Variants in TMEM11 observed in about 807,000 individuals in gnomAD.
TMEM11 encodes the protein transmembrane protein 11.
In TMEM11, 1 loss-of-function variant was observed where a neutral mutation model predicts 17.0. That is an observed-to-expected ratio of 0.06 (90% CI 0.02 to 0.28). The LOEUF (loss-of-function observed/expected upper bound fraction) is 0.28. Among genes scored for constraint, TMEM11 ranks in the 10% least tolerant of loss-of-function variants. The probability of loss-of-function intolerance (pLI) is 1.00; values close to 1 mark genes in which losing one functional copy is unlikely to be tolerated. For missense variants in TMEM11, 172 were observed against 252.9 expected (o/e 0.68, Z 2.17); for synonymous variants, 122 against 118.1 (o/e 1.03, Z -0.21).
chr17:21,210,732 T>C (rs1974993935), intron 1 of TMEM11, among the ~76,000 whole-genome samples: 1 of 152,188 alleles, frequency 6.6e-6, no homozygotes, highest in Non-Finnish European at 1.5e-5. Flanking sequence ...ACTGGCTGCC[T>C]ATAAAACGCT....
rs7212548 is a variant in TMEM11 at position 21,198,290 on chromosome 17, G to A, written c.*34C>T. Reference sequence around the variant, plus strand: ...AATACTCTGTTGTCTCTTGTGGGCCGGGTGGTTTTGCTTCGCTCCCTGTTC... The same window carrying A: ...AATACTCTGTTGTCTCTTGTGGGCCAGGTGGTTTTGCTTCGCTCCCTGTTC... On this transcript the variant is annotated 3_prime_UTR_variant, in exon 2 of 2. Coordinates refer to ENST00000317635, the MANE Select transcript of TMEM11 (RefSeq NM_003876.3). This position sits in a 1 kb window ranked among gnomAD's most constrained non-coding sequence, Gnocchi z 6.5. The A allele has an allele frequency of 1.9e-3, 2,959 of 1,585,024 alleles. 48 individuals are homozygous for A. In the African/African-American group the frequency reaches 0.032, roughly 17 times the overall value.
At chr17:21,211,649 G>A (rs959018433) in intron 1 of TMEM11, among the ~76,000 whole-genome samples, 2 of 152,196 alleles carry the variant, frequency 1.3e-5, no homozygotes, top group African/African-American at 4.8e-5. Context: ...TCTGGCACTG[G>A]GTGGGACCTT....
chr17:21,201,744 C>A (rs1410454843), intron 1 of TMEM11, among the ~76,000 whole-genome samples: 1 of 152,132 alleles, frequency 6.6e-6, no homozygotes, highest in Non-Finnish European at 1.5e-5. Context: ...ACCTCTGCCT[C>A]CCGAGTAGCT....
Position 21,214,083 on chromosome 17 carries a change from G to A in TMEM11, c.62+8C>T, listed in dbSNP as rs377076892. The A allele has an allele frequency of 2.7e-4, 438 of 1,609,126 alleles. 1 individual carries two copies. In the African/African-American group the frequency reaches 3.4e-3, roughly 13 times the overall value. On this transcript the variant is annotated splice_region_variant and intron_variant, in intron 1 of 1. Coordinates refer to ENST00000317635, the MANE Select transcript of TMEM11 (RefSeq NM_003876.3). ...CTGCACTGGGGGCAACAAGCCCTTG[G>A]ATCTCACCTCTCTCGGGCGCTGCCG...
intron 1 of TMEM11, among the ~76,000 whole-genome samples, chr17:21,202,517 C>T (rs1230326760): frequency 3.3e-5 from 5 of 152,164 alleles, no homozygotes; most frequent in African/African-American, 2.4e-5. Flanking sequence ...GTCCTGGAAC[C>T]GACTGCCCCA....
At chr17:21,200,397 T>C (rs989931851) in intron 1 of TMEM11, among the ~76,000 whole-genome samples, 2 of 152,220 alleles carry the variant, frequency 1.3e-5, no homozygotes, top group East Asian at 3.8e-4. Flanking sequence ...CTGCAAGAAG[T>C]CTTTATCTGG....
chr17:21,213,835 GC>G, intron 1 of TMEM11: 1 of 515,314 alleles, frequency 1.9e-6, no homozygotes, highest in Non-Finnish European at 3.4e-6. Context: ...CCGGCCTCGG[GC>G]CCCGCCCCGC....
intron 1 of TMEM11, among the ~76,000 whole-genome samples, chr17:21,206,161 C>A (rs1731859977): frequency 6.6e-6 from 1 of 152,086 alleles, no homozygotes; most frequent in South Asian, 2.1e-4. Context: ...CACCATTGTA[C>A]ATTCCCACCA....
intron 1 of TMEM11, among the ~76,000 whole-genome samples, chr17:21,199,328 G>GA (rs58031189): frequency 0.017 from 1,358 of 78,270 alleles, 80 homozygotes; most frequent in African/African-American, 0.059. Flanking sequence ...CTCAGTCTCA[G>GA]AAAAAAAAAA....
intron 1 of TMEM11, among the ~76,000 whole-genome samples, chr17:21,210,514 A>G (rs528028502): frequency 6.6e-6 from 1 of 152,270 alleles, no homozygotes; most frequent in South Asian, 2.1e-4. Flanking sequence ...CCAAAGCCTG[A>G]GAGTCTAAAA....
intron 1 of TMEM11, among the ~76,000 whole-genome samples, chr17:21,201,889 C>A (rs1974886624): frequency 6.6e-6 from 1 of 152,220 alleles, no homozygotes; most frequent in Admixed American, 6.5e-5. Context: ...GCCTTGGCCT[C>A]CCAAAGTCCT....
chr17:21,201,834 G>A (rs1286890237), intron 1 of TMEM11, among the ~76,000 whole-genome samples: 1 of 152,226 alleles, frequency 6.6e-6, no homozygotes, highest in Non-Finnish European at 1.5e-5. Context: ...GTTATGCCAT[G>A]TTGCCCAGGC....
In TMEM11 at chr17:21,214,128, G is replaced by A. The variant is rs1299701089; in HGVS notation, c.25C>T (p.Leu9Phe). 1 of 1,612,310 alleles carries A rather than the reference G, an allele frequency of 6.2e-7. No homozygotes were observed. The highest frequency in any genetic ancestry group is 1.1e-5 in the South Asian group (1 of 90,938). ...CTGCCGCCACTGCTGCCCGGGCCAA[G>A]ACGCCTCCTTCCCCAAGCGGCCATC... MAAWGRRR[L>F]GPGSSGGSAR... Residue 9 changes from leucine to phenylalanine, a missense_variant, in exon 1 of 2, where the codon CTT becomes TTT. By Grantham distance (22) the Leu-to-Phe change is conservative. Around this residue, in one of 2 missense-constraint regions of TMEM11, gnomAD observed 49 missense variants for 39.3 expected, o/e 1.25. Transcript: ENST00000317635.
intron 1 of TMEM11, chr17:21,213,800 G>A: frequency 4.5e-6 from 2 of 443,570 alleles, no homozygotes; most frequent in South Asian, 2.9e-5. Flanking sequence ...GGCCTGCGCT[G>A]GGCGCCAGTT....
intron 1 of TMEM11, among the ~76,000 whole-genome samples, chr17:21,202,234 G>A (rs1974889921): frequency 1.3e-5 from 2 of 152,198 alleles, no homozygotes; most frequent in South Asian, 4.1e-4. Flanking sequence ...CCAATCTTGA[G>A]ACGGAAATGG....
chr17:21,198,824 T>A lies in TMEM11; in HGVS notation c.79A>T (p.Thr27Ser), dbSNP rs776674803. 5 of 1,609,664 alleles carry A rather than the reference T, an allele frequency of 3.1e-6. No individual in the cohort carries two copies. The South Asian group carries it at 5.5e-5, about 18-fold the overall frequency. Reference protein sequence around the residue: ...SARERVSLSATDCYIVHEIYN... With the variant: ...SARERVSLSASDCYIVHEIYN... ...ATCTCATGCACAATGTAGCAGTCTG[T>A]GGCCGACAAGCTCACCCTTTTGATG... The change falls in exon 2 of 2, where the codon ACA becomes TCA. Residue 27 changes from threonine (T) to serine (S), a missense_variant. Transcript: ENST00000317635. This position sits in a 1 kb window ranked among gnomAD's most constrained non-coding sequence, Gnocchi z 6.5.
At chr17:21,210,625 G>A (rs554172008) in intron 1 of TMEM11, among the ~76,000 whole-genome samples, 4 of 152,296 alleles carry the variant, frequency 2.6e-5, no homozygotes, top group Admixed American at 1.3e-4. Context: ...AACGTGTAAG[G>A]GCCACCTGGG....
chr17:21,206,895 T>G (rs1319578950), intron 1 of TMEM11, among the ~76,000 whole-genome samples: 1 of 152,074 alleles, frequency 6.6e-6, no homozygotes, highest in Non-Finnish European at 1.5e-5. Context: ...ACAGAGCAAC[T>G]CCCCCATCGG....
rs1243439219 is a variant in TMEM11 at position 21,204,878 on chromosome 17, G to T, written c.63-6038C>A. Among the ~76,000 whole-genome samples, 5 of 152,090 alleles carry T rather than the reference G, an allele frequency of 3.3e-5. No homozygotes were observed. In the East Asian group the frequency reaches 9.6e-4, roughly 29 times the overall value. On this transcript the variant is annotated intron_variant, in intron 1 of 1. Transcript: ENST00000317635. Reference sequence around the variant, plus strand: ...TCTGAGCCTTTAGTGCTGGGAGCAGGGGTCAGCCCGTTCCAGCACCTCAGG... The same window carrying T: ...TCTGAGCCTTTAGTGCTGGGAGCAGTGGTCAGCCCGTTCCAGCACCTCAGG...
Sources: allele counts gnomAD v4.1 joint callset (sites outside exome capture counted in the v4.1 genomes callset), GRCh38; gene constraint gnomAD v4.1.1; regional missense constraint gnomAD v4.1.1; non-coding constraint Gnocchi (gnomAD v3.1); transcripts MANE v1.5; gene names NCBI Gene and HGNC (gene_info 2026-07-23, HGNC 2026-07-21).